The following MORN5 variants were observed in gnomAD, a reference collection of about 807,000 sequenced individuals.
MORN5 encodes MORN repeat-containing protein 5.
A neutral mutation model predicts 22.1 loss-of-function variants in MORN5; 21 were observed. The observed-to-expected ratio is 0.95, with a 90% confidence interval of 0.67 to 1.37. The LOEUF (loss-of-function observed/expected upper bound fraction) is 1.37, where lower values mean the gene tolerates loss of function less well. Ranked by LOEUF, MORN5 falls within the 40% of genes most tolerant of loss-of-function variation. The pLI is 0.00. For missense variants in MORN5, 211 were observed against 215.1 expected, an observed-to-expected ratio of 0.98 and a Z score of 0.12; for synonymous variants, 73 against 74.0, an observed-to-expected ratio of 0.99 and a Z score of 0.07.
chr9:122,199,932 G>T lies in MORN5; in HGVS notation c.*1G>T, dbSNP rs1392679188. On this transcript the variant is annotated 3_prime_UTR_variant, in exon 5 of 5. Transcript: ENST00000373764. ...CACCCGTACCTGTCGAAAGGGCTAG[G>T]ATGAGATCGTGGGTCACAGGCCCGA... The T allele has an allele frequency of 2.5e-6, 4 of 1,614,038 alleles. No homozygotes were observed. The highest frequency in any genetic ancestry group is 3.4e-6 in the Non-Finnish European group (4 of 1,179,922).
chr9:122,188,586 C>T (rs557104169), intron 4 of MORN5, among the ~76,000 whole-genome samples: 7 of 152,364 alleles, frequency 4.6e-5, no homozygotes, highest in African/African-American at 9.6e-5. Context: ...AGAGGGTCAA[C>T]GCAGAGGCTG....
chr9:122,168,311 C>G (rs964204358), intron 2 of MORN5, among the ~76,000 whole-genome samples: 2 of 152,176 alleles, frequency 1.3e-5, no homozygotes, highest in Non-Finnish European at 2.9e-5. Flanking sequence ...AGGATTCTTA[C>G]CCCCTGGTAT....
chr9:122,166,767 G>A lies in MORN5; in HGVS notation c.48-1G>A. ...TCAGTGATTTCCCTGTGTCTTTACA[G>A]GATGGAGGGCAAAGCCAAGTACATC... is the stretch of plus-strand genomic sequence containing the variant. On this transcript the variant is annotated splice_acceptor_variant, in intron 1 of 4. Coordinates refer to ENST00000373764, the MANE Select transcript of MORN5 (RefSeq NM_198469.4). LOFTEE classifies it high-confidence loss of function. 6.2e-7 allele frequency: 1 copy of A among 1,613,000 alleles called. No homozygotes were observed. The highest frequency in any genetic ancestry group is 8.5e-7 in the Non-Finnish European group (1 of 1,179,450).
At chr9:122,173,984 A>G (rs1409643067) in intron 3 of MORN5, among the ~76,000 whole-genome samples, 1 of 152,218 alleles carries the variant, frequency 6.6e-6, no homozygotes, top group Non-Finnish European at 1.5e-5. Context: ...AATTTTGGCA[A>G]GAGTCAAAGT....
rs150348314 is a variant in MORN5 at position 122,174,588 on chromosome 9, G to T, written c.400G>T (p.Val134Leu). 481 of 1,614,134 alleles carry T rather than the reference G, an allele frequency of 3.0e-4. 1 individual carries two copies. In the African/African-American group the frequency reaches 5.6e-3, roughly 19 times the overall value. Reference protein sequence around the residue: ...GDGFYNPVTRVVKDYRNRFLR... With the variant: ...GDGFYNPVTRLVKDYRNRFLR... The stretch of plus-strand genomic sequence containing the variant: ...CGGCTTCTATAACCCAGTCACGAGG[G>T]TAGTCAAGGACTATAGGAACCGCTT... Residue 134 changes from valine to leucine, a missense_variant, in exon 4 of 5, where the codon GTA (valine) becomes TTA (leucine). Val to Leu is a conservative substitution (Grantham distance 32, BLOSUM62 1). Coordinates refer to ENST00000373764, the MANE Select transcript of MORN5 (RefSeq NM_198469.4).
Position 122,199,975 on chromosome 9 carries a change from T to A in MORN5, c.*44T>A, listed in dbSNP as rs1564426998. The A allele has an allele frequency of 6.2e-7, 1 of 1,606,200 alleles. No homozygotes were observed. Among genetic ancestry groups the A allele is most frequent in the Admixed American group, 1.7e-5 (1 of 60,020 alleles). Reference sequence around the variant, plus strand: ...AGGCCCGAGCCGTGAACTCTGTGGCTGCCTCCACCAGAGGTTTCCATCTGC... The same window carrying A: ...AGGCCCGAGCCGTGAACTCTGTGGCAGCCTCCACCAGAGGTTTCCATCTGC... On this transcript the variant is annotated 3_prime_UTR_variant, in exon 5 of 5. Coordinates refer to ENST00000373764, the MANE Select transcript of MORN5 (RefSeq NM_198469.4).
intron 4 of MORN5, among the ~76,000 whole-genome samples, chr9:122,179,524 G>A (rs1226354176): frequency 6.6e-6 from 1 of 152,134 alleles, no homozygotes; most frequent in African/African-American, 2.4e-5. Context: ...GCTGCCTGCT[G>A]GATGACCCTG....
Position 122,169,772 on chromosome 9 carries a change from C to T in MORN5, c.307+16C>T. On this transcript the variant is annotated intron_variant, in intron 3 of 4. Coordinates refer to ENST00000373764, the MANE Select transcript of MORN5 (RefSeq NM_198469.4). ...AAGCCTGCAGGTACCCAGGCACCCA[C>T]CCTTTCCTTCATACCCAAACTGAGA... 4 of 1,518,192 alleles carry T rather than the reference C, an allele frequency of 2.6e-6. No individual in the cohort carries two copies. Among genetic ancestry groups the T allele is most frequent in the Non-Finnish European group, 3.7e-6 (4 of 1,092,214 alleles). The allele number at this position is 1,518,192 out of a possible 1,614,324, so 94.0% of individuals were successfully genotyped here. A position where few individuals can be genotyped will look rare whatever the true frequency, so the allele number is the denominator to read the frequency against.
At chr9:122,182,704 T>G (rs909886982) in intron 4 of MORN5, among the ~76,000 whole-genome samples, 1 of 152,166 alleles carries the variant, frequency 6.6e-6, no homozygotes, top group Non-Finnish European at 1.5e-5. Flanking sequence ...TGAGCTGAGA[T>G]CGTGCCACTG....
chr9:122,174,418 C>A, intron 3 of MORN5, 78 bp from the exon 4 acceptor site: 1 of 1,536,366 alleles, frequency 6.5e-7, no homozygotes. Context: ...AGCCACCAGC[C>A]ACAAGTGGAC....
At chr9:122,181,846 C>T (rs1251188838) in intron 4 of MORN5, among the ~76,000 whole-genome samples, 1 of 152,208 alleles carries the variant, frequency 6.6e-6, no homozygotes, top group Non-Finnish European at 1.5e-5. Context: ...ATTCAAAATA[C>T]ATAGGACAGC....
chr9:122,191,010 G>C (rs1829750451), intron 4 of MORN5, among the ~76,000 whole-genome samples: 1 of 152,194 alleles, frequency 6.6e-6, no homozygotes, highest in South Asian at 2.1e-4. Flanking sequence ...GATGGGCCTA[G>C]ACCCCCCCAA....
intron 4 of MORN5, among the ~76,000 whole-genome samples, chr9:122,190,929 C>T (rs1345659778): frequency 1.3e-5 from 2 of 152,254 alleles, no homozygotes; most frequent in African/African-American, 4.8e-5. Context: ...GTGAATGGGA[C>T]CCATAGGTGC....
intron 4 of MORN5, among the ~76,000 whole-genome samples, chr9:122,195,590 C>G (rs1298172280): frequency 6.6e-6 from 1 of 152,104 alleles, no homozygotes; most frequent in African/African-American, 2.4e-5. Flanking sequence ...GGAGGAAGAT[C>G]ACAGAAGTAA....
intron 4 of MORN5, among the ~76,000 whole-genome samples, chr9:122,193,506 A>C (rs1435702861): frequency 1.3e-5 from 2 of 152,002 alleles, no homozygotes; most frequent in Non-Finnish European, 2.9e-5. Context: ...AATCGCTTGA[A>C]CCCGGGAGGC....
chr9:122,190,883 C>T (rs1013085817), intron 4 of MORN5, among the ~76,000 whole-genome samples: 4 of 152,274 alleles, frequency 2.6e-5, no homozygotes, highest in African/African-American at 4.8e-5. Flanking sequence ...CACCAGCTCA[C>T]GTAGGCTGCA....
At chr9:122,161,138 T>G (rs1829191832) in intron 1 of MORN5, among the ~76,000 whole-genome samples, 1 of 152,134 alleles carries the variant, frequency 6.6e-6, no homozygotes, top group African/African-American at 2.4e-5. Flanking sequence ...GGCTGGACGA[T>G]ATGAAGTGGT....
chr9:122,165,485 G>A (rs1048204516), intron 1 of MORN5, among the ~76,000 whole-genome samples: 1 of 152,064 alleles, frequency 6.6e-6, no homozygotes, highest in Non-Finnish European at 1.5e-5. Context: ...TGAGGTGGGA[G>A]GATCACTTGA....
chr9:122,169,500 T>A, intron 2 of MORN5, 145 bp from the exon 3 acceptor site: 1 of 627,050 alleles, frequency 1.6e-6, no homozygotes, highest in Admixed American at 2.6e-5. Context: ...CCATTCCCTC[T>A]TGTCGTCACA....
Sources: allele counts gnomAD v4.1 joint callset (sites outside exome capture counted in the v4.1 genomes callset), GRCh38; gene constraint gnomAD v4.1.1; transcripts MANE v1.5; gene names NCBI Gene and HGNC (gene_info 2026-07-23, HGNC 2026-07-21).